The following TUBA1C variants were observed in gnomAD, a reference collection of about 807,000 sequenced individuals.
The protein encoded by TUBA1C is tubulin alpha 1c, also known as tubulin alpha-1C chain.
A neutral mutation model predicts 34.9 loss-of-function variants in TUBA1C; 16 were observed. The ratio of observed to expected loss-of-function variants is 0.46; its 90% CI spans 0.31 to 0.70. The LOEUF (loss-of-function observed/expected upper bound fraction) is 0.70. TUBA1C is among the 30% of genes least tolerant of loss of function. The pLI is 0.05. For missense variants in TUBA1C, 329 were observed against 587.3 expected, an observed-to-expected ratio of 0.56 and a Z score of 4.55; for synonymous variants, 177 against 215.9, an observed-to-expected ratio of 0.82 and a Z score of 1.58.
At chr12:49,248,010 C>T (rs1211139752) in intron 1 of TUBA1C, among the ~76,000 whole-genome samples, 2 of 150,816 alleles carry the variant, frequency 1.3e-5, no homozygotes, top group Non-Finnish European at 2.9e-5. Flanking sequence ...GGTGCGGTGG[C>T]TCACACCTGT....
Position 49,273,521 on chromosome 12 carries a change from C to T in TUBA1C, c.*294C>T. ...TCTCCTGCTTCAGCCTCCTAAGTAG[C>T]TGGGGACTGCAGGTGCACACCACCA... is the stretch of plus-strand genomic sequence containing the variant. On this transcript the variant is annotated 3_prime_UTR_variant, in exon 4 of 4. Coordinates refer to ENST00000301072, the MANE Select transcript of TUBA1C (RefSeq NM_032704.5). 2.2e-6 allele frequency: 1 copy of T among 449,324 alleles called. No homozygotes were observed. The highest frequency in any genetic ancestry group is 4.1e-6 in the Non-Finnish European group (1 of 245,006). 27.8% of individuals were successfully genotyped at this position (449,324 alleles called of 1,614,324 possible).
chr12:49,229,547 T>G (rs1015083697), intron 1 of TUBA1C, among the ~76,000 whole-genome samples: 1 of 152,174 alleles, frequency 6.6e-6, no homozygotes, highest in Non-Finnish European at 1.5e-5. Context: ...ATAAATTATC[T>G]TGTAAAAAGA....
intron 1 of TUBA1C, among the ~76,000 whole-genome samples, chr12:49,232,628 G>A (rs972832430): frequency 2.6e-5 from 4 of 152,150 alleles, no homozygotes; most frequent in African/African-American, 9.7e-5. Flanking sequence ...GTAGAAAGTT[G>A]AGGTTTCTCA....
chr12:49,255,349 T>A (rs1377745569), intron 1 of TUBA1C, among the ~76,000 whole-genome samples: 2 of 151,554 alleles, frequency 1.3e-5, no homozygotes, highest in African/African-American at 4.8e-5. Context: ...AATGATTCTG[T>A]TGCTTGCTAA....
intron 1 of TUBA1C, among the ~76,000 whole-genome samples, chr12:49,245,927 T>G (rs567330368): frequency 6.6e-6 from 1 of 152,242 alleles, no homozygotes; most frequent in South Asian, 2.1e-4. Flanking sequence ...TTTTCTGAGA[T>G]GGAATCTCAC....
At chr12:49,264,989 C>T (rs1942884260), upstream of TUBA1C, 6 of 759,860 alleles carry the variant, frequency 7.9e-6, no homozygotes, top group Non-Finnish European at 1.1e-5. Flanking sequence ...GAAGGTGGGG[C>T]CGCAGCGGCA....
intron 1 of TUBA1C, among the ~76,000 whole-genome samples, chr12:49,228,639 T>C (rs957947154): frequency 3.3e-5 from 5 of 152,216 alleles, no homozygotes; most frequent in African/African-American, 1.2e-4. Flanking sequence ...AGGCCTGTTA[T>C]CAGCAAATAT....
At chr12:49,264,840 TCCC>T (rs1565647725), upstream of TUBA1C, 13 of 108,640 alleles carry the variant, frequency 1.2e-4, no homozygotes, top group East Asian at 1.5e-3. Context: ...CTCCCCTTCC[TCCC>T]CTTCCTCCCC....
At chr12:49,228,109 G>T (rs115933023) in exon 1 of TUBA1C, 6 of 1,535,534 alleles carry the variant, frequency 3.9e-6, no homozygotes, top group Admixed American at 2.0e-5. Flanking sequence ...AGCTCCCTGC[G>T]CCTTTTAACA....
rs143285728 is a variant in TUBA1C at position 49,268,254 on chromosome 12, A to T, written c.4-1211A>T. 6.1e-3 allele frequency among the ~76,000 whole-genome samples: 929 copies of T among 152,208 alleles called. 10 individuals carry two copies. Among genetic ancestry groups the T allele is most frequent in the African/African-American group, 0.021 (888 of 41,514 alleles). Reference sequence around the variant, plus strand: ...GCTGGGACTACAGGCGCGCACCACCATGCCTGGCTAATTCTTGTATTTTTA... The same window carrying T: ...GCTGGGACTACAGGCGCGCACCACCTTGCCTGGCTAATTCTTGTATTTTTA... On this transcript the variant is annotated intron_variant, in intron 1 of 3. Transcript: ENST00000301072.
intron 1 of TUBA1C, among the ~76,000 whole-genome samples, chr12:49,244,266 G>T (rs1159038870): frequency 6.6e-6 from 1 of 152,040 alleles, no homozygotes; most frequent in Non-Finnish European, 1.5e-5. Flanking sequence ...ACTCACCACA[G>T]TATTTTCATT....
intron 1 of TUBA1C, among the ~76,000 whole-genome samples, chr12:49,254,484 CAAAAAAA>C (rs764051406): frequency 0.1 from 3,048 of 29,600 alleles, 39 homozygotes; most frequent in Admixed American, 0.14. Context: ...TCCATCTAAA[CAAAAAAA>C]AAAAAAAAAA....
chr12:49,244,058 G>A (rs953013266), intron 1 of TUBA1C, among the ~76,000 whole-genome samples: 1 of 150,354 alleles, frequency 6.7e-6, no homozygotes, highest in African/African-American at 2.4e-5. Context: ...GCTGAGGCAC[G>A]ATAATCACTT....
Position 49,269,953 on chromosome 12 carries a change from G to A in TUBA1C, c.352G>A (p.Val118Met), listed in dbSNP as rs764040639. ...YTIGKEIIDL[V>M]LDRIRKLADQ... ...CATTGGCAAGGAGATCATTGACCTC[G>A]TGTTGGACCGAATTCGCAAGCTGGT... Residue 118 changes from valine (V) to methionine (M), a missense_variant, in exon 3 of 4, where the codon GTG becomes ATG. This residue lies in a region of TUBA1C where 152 missense variants were observed against 240.3 expected (regional missense o/e 0.63). Coordinates refer to ENST00000301072, the MANE Select transcript of TUBA1C (RefSeq NM_032704.5). 5 of 1,614,110 alleles carry A rather than the reference G, an allele frequency of 3.1e-6. No individual in the cohort carries two copies. Among genetic ancestry groups the A allele is most frequent in the African/African-American group, 2.7e-5 (2 of 74,946 alleles).
chr12:49,271,650 T>A (rs530979870), intron 3 of TUBA1C, among the ~76,000 whole-genome samples: 1 of 152,288 alleles, frequency 6.6e-6, no homozygotes, highest in East Asian at 1.9e-4. Context: ...AGTACCAGGG[T>A]GTTAGAACTT....
At chr12:49,264,870 T>C (rs1167906898), upstream of TUBA1C, 60 of 130,260 alleles carry the variant, frequency 4.6e-4, no homozygotes, top group Middle Eastern at 3.4e-3. Context: ...CCCTTCCTCC[T>C]CTTCCTGCTC....
chr12:49,249,244 A>G (rs981766842), intron 1 of TUBA1C, among the ~76,000 whole-genome samples: 7 of 151,902 alleles, frequency 4.6e-5, no homozygotes, highest in Non-Finnish European at 8.8e-5. Flanking sequence ...CCTGACCAAC[A>G]TAGACAAACC....
intron 1 of TUBA1C, among the ~76,000 whole-genome samples, chr12:49,234,337 A>G (rs1483682255): frequency 6.6e-6 from 1 of 152,220 alleles, no homozygotes; most frequent in Non-Finnish European, 1.5e-5. Context: ...GTCTTAAATA[A>G]CAAGGACACC....
At chr12:49,229,187 T>C (rs1451066868) in intron 1 of TUBA1C, among the ~76,000 whole-genome samples, 1 of 152,194 alleles carries the variant, frequency 6.6e-6, no homozygotes, top group African/African-American at 2.4e-5. Context: ...CTTTTTTGCG[T>C]GCGTGTGACA....
Sources: gnomAD v4.1 joint callset for allele counts (sites outside exome capture counted in the v4.1 genomes callset) on GRCh38, gnomAD v4.1.1 for gene constraint, gnomAD v4.1.1 regional missense constraint, MANE v1.5 for transcripts, NCBI Gene and HGNC (gene_info 2026-07-23, HGNC 2026-07-21) for gene names.